NRG4: variants seen among roughly 807,000 people sequenced by gnomAD.
NRG4 encodes the protein neuregulin 4, also known as pro-neuregulin-4, membrane-bound isoform.
Under a neutral mutation model 15.0 loss-of-function variants are expected in NRG4, and 10 were observed. The ratio of observed to expected loss-of-function variants is 0.67; its 90% CI spans 0.41 to 1.13. The LOEUF (loss-of-function observed/expected upper bound fraction) is 1.13. NRG4 is among the 50% of genes most tolerant of loss of function. The probability of loss-of-function intolerance (pLI) is 0.00; values close to 1 mark genes in which losing one functional copy is unlikely to be tolerated. For missense variants in NRG4, 139 were observed against 140.2 expected, an observed-to-expected ratio of 0.99 and a Z score of 0.04; for synonymous variants, 41 against 50.1, an observed-to-expected ratio of 0.82 and a Z score of 0.77.
intron 4 of NRG4, among the ~76,000 whole-genome samples, chr15:76,045,594 A>AT (rs1475192249): frequency 6.6e-6 from 1 of 151,156 alleles, no homozygotes; most frequent in African/African-American, 2.5e-5. Flanking sequence ...CTATTCAGCC[A>AT]TAAAAAAAAG....
At chr15:75,960,407 C>CT (rs753702807) in intron 4 of NRG4, among the ~76,000 whole-genome samples, 17 of 152,168 alleles carry the variant, frequency 1.1e-4, no homozygotes, top group Middle Eastern at 3.2e-3. Flanking sequence ...GATAAAAAAA[C>CT]TTTATCTCAT....
At chr15:76,054,789 A>G (rs1008594362) in intron 2 of NRG4, among the ~76,000 whole-genome samples, 8 of 152,252 alleles carry the variant, frequency 5.3e-5, no homozygotes, top group Admixed American at 5.2e-4. Context: ...TAAAGTAAGT[A>G]TTATAGTACA....
At chr15:75,989,347 C>G (rs907219750) in intron 3 of NRG4, among the ~76,000 whole-genome samples, 1 of 151,982 alleles carries the variant, frequency 6.6e-6, no homozygotes, top group African/African-American at 2.4e-5. Context: ...CGTGGCCTAC[C>G]GATGAATGCT....
intron 5 of NRG4, among the ~76,000 whole-genome samples, chr15:75,949,671 A>G (rs901198511): frequency 1.9e-4 from 29 of 152,196 alleles, no homozygotes; most frequent in Admixed American, 1.7e-3. Flanking sequence ...GCCTAATTCA[A>G]TGTCACAAAG....
chr15:75,960,302 A>G (rs551471329), intron 4 of NRG4, among the ~76,000 whole-genome samples: 1 of 152,314 alleles, frequency 6.6e-6, no homozygotes, highest in South Asian at 2.1e-4. Context: ...CAGCTTTCCA[A>G]ACATAGATAC....
Position 75,942,365 on chromosome 15 carries a change from G to C in NRG4, c.*1273C>G, listed in dbSNP as rs150299509. 6.6e-6 allele frequency: 1 copy of C among 151,682 alleles called. No homozygotes were observed. Among genetic ancestry groups the C allele is most frequent in the Admixed American group, 6.6e-5 (1 of 15,232 alleles). 9.4% of individuals were successfully genotyped at this position (151,682 alleles called of 1,614,324 possible). The stretch of plus-strand genomic sequence containing the variant: ...TTGTCTCAAAAAGTAAAGTAAAAAT[G>C]TGTCAATATTGGTTAAACAAATATA... On this transcript the variant is annotated 3_prime_UTR_variant, in exon 6 of 6. Transcript: ENST00000394907.
Position 75,943,484 on chromosome 15 carries a change from C to A in NRG4, c.*154G>T. The A allele has an allele frequency of 1.6e-6, 1 of 608,514 alleles. No individual in the cohort carries two copies. The highest frequency in any genetic ancestry group is 2.9e-6 in the Non-Finnish European group (1 of 343,476). The allele number at this position is 608,514 out of a possible 1,614,324, so 37.7% of individuals were successfully genotyped here. On this transcript the variant is annotated 3_prime_UTR_variant, in exon 6 of 6. Transcript: ENST00000394907. ...ATGCACATTACAGAAGCACACACAC[C>A]TTGCAGCAGAATGGATTATGGTTCA...
intron 3 of NRG4, among the ~76,000 whole-genome samples, chr15:76,004,019 G>A (rs2034505809): frequency 6.6e-6 from 1 of 152,264 alleles, no homozygotes; most frequent in Admixed American, 6.5e-5. Context: ...AAAATAGTTT[G>A]TAACCCCATT....
At chr15:76,017,923 T>C (rs1216809239) in intron 5 of NRG4, among the ~76,000 whole-genome samples, 1 of 152,230 alleles carries the variant, frequency 6.6e-6, no homozygotes, top group Non-Finnish European at 1.5e-5. Context: ...AAGAGTGTTT[T>C]CCAACTTGGT....
chr15:75,954,541 T>C (rs1239613309), intron 5 of NRG4, among the ~76,000 whole-genome samples: 1 of 151,760 alleles, frequency 6.6e-6, no homozygotes, highest in African/African-American at 2.4e-5. Flanking sequence ...GCTATTCTCC[T>C]GCCTCAGCCT....
chr15:75,974,595 C>A (rs1264995966), intron 3 of NRG4, among the ~76,000 whole-genome samples: 1 of 152,104 alleles, frequency 6.6e-6, no homozygotes. Flanking sequence ...TTCTTTATTT[C>A]TGCCTTAATT....
At chr15:75,947,648 T>A (rs2031614710) in intron 5 of NRG4, among the ~76,000 whole-genome samples, 1 of 152,258 alleles carries the variant, frequency 6.6e-6, no homozygotes, top group African/African-American at 2.4e-5. Context: ...TTCTTTTAGA[T>A]GTATACCCAG....
chr15:76,033,139 A>G (rs2035514241), intron 5 of NRG4, among the ~76,000 whole-genome samples: 1 of 152,248 alleles, frequency 6.6e-6, no homozygotes, highest in African/African-American at 2.4e-5. Context: ...AAACTGGGCT[A>G]TGTATCAAGA....
chr15:76,041,182 G>T (rs967239298), intron 4 of NRG4, among the ~76,000 whole-genome samples: 2 of 151,710 alleles, frequency 1.3e-5, no homozygotes, highest in African/African-American at 4.8e-5. Context: ...AAAATAAAAA[G>T]AAATTAAATT....
At chr15:75,989,035 T>G (rs956784987) in intron 3 of NRG4, among the ~76,000 whole-genome samples, 1 of 151,998 alleles carries the variant, frequency 6.6e-6, no homozygotes, top group Non-Finnish European at 1.5e-5. Flanking sequence ...TTTTAAATTT[T>G]TTTGTAGAGA....
At chr15:75,963,862 A>T (rs532125797) in intron 3 of NRG4, among the ~76,000 whole-genome samples, 7 of 151,962 alleles carry the variant, frequency 4.6e-5, no homozygotes, top group African/African-American at 1.2e-4. Flanking sequence ...AAGATCGCTT[A>T]AGCCTAGGAC....
At chr15:75,988,376 A>G (rs1354328454) in intron 3 of NRG4, among the ~76,000 whole-genome samples, 1 of 152,100 alleles carries the variant, frequency 6.6e-6, no homozygotes, top group African/African-American at 2.4e-5. Flanking sequence ...TAGGAGAGAT[A>G]GGGTTTCACC....
At chr15:75,964,249 G>A (rs1567079421) in intron 3 of NRG4, among the ~76,000 whole-genome samples, 1 of 152,036 alleles carries the variant, frequency 6.6e-6, no homozygotes, top group Non-Finnish European at 1.5e-5. Context: ...AAGGAAAGGG[G>A]CAGCATTCCA....
chr15:76,033,274 G>A (rs79625710), intron 5 of NRG4, among the ~76,000 whole-genome samples: 3,260 of 151,968 alleles, frequency 0.021, 132 homozygotes, highest in African/African-American at 0.075. Flanking sequence ...AGCTTTTCCC[G>A]GCCAGTTGTG....
Sources: gnomAD v4.1 joint callset for allele counts (sites outside exome capture counted in the v4.1 genomes callset) on GRCh38, gnomAD v4.1.1 for gene constraint, MANE v1.5 for transcripts, NCBI Gene and HGNC (gene_info 2026-07-23, HGNC 2026-07-21) for gene names.